Variants in AGBL1 observed in about 807,000 individuals in gnomAD.
The protein encoded by AGBL1 is AGBL carboxypeptidase 1.
In AGBL1, 130 loss-of-function variants were observed where a neutral mutation model predicts 118.9. The observed-to-expected ratio is 1.09, with a 90% CI of 0.95 to 1.26. The LOEUF (loss-of-function observed/expected upper bound fraction) is 1.26. Among genes scored for constraint, AGBL1 ranks in the 50% most tolerant of loss-of-function variants. AGBL1 has a pLI of 0.00. For missense variants in AGBL1, 1,584 were observed against 1,298.1 expected, an observed-to-expected ratio of 1.22 and a Z score of -3.38; for synonymous variants, 555 against 478.9, an observed-to-expected ratio of 1.16 and a Z score of -2.08.
chr15:86,752,193 C>A (rs974161500), intron 22 of AGBL1, among the ~76,000 whole-genome samples: 1 of 152,030 alleles, frequency 6.6e-6, no homozygotes, highest in South Asian at 2.1e-4. Flanking sequence ...GACCAAAAGG[C>A]TAAATGAAGC....
At chr15:86,252,929 C>T (rs569224065) in intron 7 of AGBL1, among the ~76,000 whole-genome samples, 5 of 152,250 alleles carry the variant, frequency 3.3e-5, no homozygotes, top group Admixed American at 2.6e-4. Flanking sequence ...AAAGAATCAC[C>T]GCAAAGAGAA....
intron 17 of AGBL1, among the ~76,000 whole-genome samples, chr15:86,351,485 T>G (rs1393234237): frequency 6.6e-6 from 1 of 152,216 alleles, no homozygotes; most frequent in African/African-American, 2.4e-5. Flanking sequence ...GGCGTTCCTC[T>G]ACCATTGTGT....
At chr15:86,752,902 T>C (rs1462970934) in intron 22 of AGBL1, among the ~76,000 whole-genome samples, 1 of 152,140 alleles carries the variant, frequency 6.6e-6, no homozygotes, top group African/African-American at 2.4e-5. Context: ...GCTAAATTAA[T>C]GGACCAGAAT....
At chr15:86,217,507 A>C (rs960807696) in intron 5 of AGBL1, among the ~76,000 whole-genome samples, 6 of 152,212 alleles carry the variant, frequency 3.9e-5, no homozygotes, top group African/African-American at 1.4e-4. Flanking sequence ...GAATAACTGC[A>C]AACTAAATTG....
chr15:86,674,418 T>C lies in AGBL1; in HGVS notation c.3140T>C (p.Leu1047Pro), dbSNP rs373162753. 7.5e-6 allele frequency: 12 copies of C among 1,609,058 alleles called. No individual in the cohort carries two copies. Among genetic ancestry groups the C allele is most frequent in the South Asian group, 2.2e-5 (2 of 90,918 alleles). The change falls in exon 22 of 23, where the codon CTG (leucine) becomes CCG (proline). Residue 1047 changes from leucine to proline, a missense_variant. Physicochemically the swap from Leu to Pro is moderately conservative, Grantham distance 98 (BLOSUM62 -3). Transcript: ENST00000614907. ...ATLLSAEEDA[L>P]DQHLQRCSSS... is the part of the protein sequence containing the mutation. ...CTGCTGAGTGCTGAGGAGGACGCTC[T>C]GGACCAGCACCTCCAACGGTAAGAT...
rs566720529 is a variant in AGBL1, at chr15:86,108,293, A to T, written c.51+28270A>T. Reference sequence around the variant, plus strand: ...AATAAACATTCATTCTCACTGAGAAAGGTGAGATGATTTTGAGTGTCTTCT... The same window carrying T: ...AATAAACATTCATTCTCACTGAGAATGGTGAGATGATTTTGAGTGTCTTCT... On this transcript the variant is annotated intron_variant, in intron 1 of 22. Transcript: ENST00000614907. Among the ~76,000 whole-genome samples the T allele has an allele frequency of 2.0e-5, 3 of 152,354 alleles. No homozygotes were observed. The East Asian group carries it at 5.8e-4, about 29-fold the overall frequency.
At chr15:86,659,618 C>A (rs769330653) in intron 21 of AGBL1, among the ~76,000 whole-genome samples, 2 of 152,150 alleles carry the variant, frequency 1.3e-5, no homozygotes, top group Admixed American at 6.6e-5. Context: ...CTTTTGTCAA[C>A]CGTAAGATCT....
At chr15:86,978,591 C>T (rs373959175) in intron 23 of AGBL1, among the ~76,000 whole-genome samples, 26 of 152,002 alleles carry the variant, frequency 1.7e-4, no homozygotes, top group African/African-American at 6.3e-4. Flanking sequence ...AAATATAAAC[C>T]AGCTCAGAAA....
chr15:86,808,558 T>G (rs2078747415), intron 22 of AGBL1, among the ~76,000 whole-genome samples: 2 of 150,794 alleles, frequency 1.3e-5, no homozygotes, highest in African/African-American at 4.9e-5. Flanking sequence ...CCTCTTTATC[T>G]TTCCTTCCTC....
At chr15:86,431,371 C>T (rs1221836961) in intron 18 of AGBL1, among the ~76,000 whole-genome samples, 1 of 152,220 alleles carries the variant, frequency 6.6e-6, no homozygotes, top group African/African-American at 2.4e-5. Flanking sequence ...TTAACCTATA[C>T]ACGTGGACAG....
At chr15:86,636,666 T>C (rs1211024892) in intron 21 of AGBL1, among the ~76,000 whole-genome samples, 1 of 127,722 alleles carries the variant, frequency 7.8e-6, no homozygotes, top group Non-Finnish European at 1.7e-5. Flanking sequence ...TTTAATCTTA[T>C]CATATTGGCT....
chr15:86,994,132 A>G (rs1298472747), intron 24 of AGBL1, among the ~76,000 whole-genome samples: 1 of 152,172 alleles, frequency 6.6e-6, no homozygotes, highest in Non-Finnish European at 1.5e-5. Context: ...CCCCGCAGCA[A>G]AGAAAGTAAC....
intron 18 of AGBL1, among the ~76,000 whole-genome samples, chr15:86,458,306 T>A (rs376508574): frequency 1.3e-5 from 2 of 152,134 alleles, no homozygotes; most frequent in African/African-American, 4.8e-5. Flanking sequence ...AATCTTGTAA[T>A]GGATATATTA....
chr15:86,230,271 G>T (rs2141946637), intron 6 of AGBL1, among the ~76,000 whole-genome samples: 1 of 152,332 alleles, frequency 6.6e-6, no homozygotes, highest in Admixed American at 6.5e-5. Flanking sequence ...GCAATGCAGA[G>T]ACGGGAGAAT....
At chr15:86,407,314 T>C (rs928731427) in intron 18 of AGBL1, among the ~76,000 whole-genome samples, 4 of 152,128 alleles carry the variant, frequency 2.6e-5, no homozygotes, top group Non-Finnish European at 4.4e-5. Context: ...GAGTCAGAAA[T>C]TAAACTCAGG....
chr15:86,713,524 G>C (rs938607567), intron 22 of AGBL1, among the ~76,000 whole-genome samples: 1 of 152,146 alleles, frequency 6.6e-6, no homozygotes, highest in Non-Finnish European at 1.5e-5. Flanking sequence ...AGTGCCCATA[G>C]AGCACTAGAC....
chr15:86,824,597 T>C (rs756929475), intron 22 of AGBL1, among the ~76,000 whole-genome samples: 1 of 151,974 alleles, frequency 6.6e-6, no homozygotes, highest in Non-Finnish European at 1.5e-5. Context: ...CTAAAATTTA[T>C]ATGAAAAGAT....
At chr15:86,237,064 G>C (rs1211152685) in intron 6 of AGBL1, among the ~76,000 whole-genome samples, 2 of 151,680 alleles carry the variant, frequency 1.3e-5, no homozygotes, top group Non-Finnish European at 2.9e-5. Flanking sequence ...GCATATCAAA[G>C]CTGGCCAGCC....
In AGBL1 at chr15:86,795,738, C is replaced by T. The variant is rs143411593; in HGVS notation, c.3159-111349C>T. ...TAGCTGGGAATACAGGTGCTCGCCACAACACCCAGCTAATTTTTTGTATTT... is the reference window on the plus strand; with the variant it reads ...TAGCTGGGAATACAGGTGCTCGCCATAACACCCAGCTAATTTTTTGTATTT... On this transcript the variant is annotated intron_variant, in intron 22 of 22. Coordinates refer to ENST00000614907, the MANE Select transcript of AGBL1 (RefSeq NM_001386094.1). 7.2e-3 allele frequency among the ~76,000 whole-genome samples: 1,084 copies of T among 151,592 alleles called. 10 individuals carry two copies. The highest frequency in any genetic ancestry group is 9.3e-3 in the Non-Finnish European group (633 of 67,924).
Sources: allele counts gnomAD v4.1 joint callset (sites outside exome capture counted in the v4.1 genomes callset), GRCh38; gene constraint gnomAD v4.1.1; transcripts MANE v1.5; gene names NCBI Gene and HGNC (gene_info 2026-07-23, HGNC 2026-07-21).